Variants in PCDHGB5 observed in about 807,000 individuals in gnomAD.
PCDHGB5 encodes protocadherin gamma-B5.
A neutral mutation model predicts 62.9 loss-of-function variants in PCDHGB5; 48 were observed. The observed-to-expected ratio is 0.76, with a 90% confidence interval of 0.61 to 0.97. The LOEUF (loss-of-function observed/expected upper bound fraction) is 0.97. PCDHGB5 is among the 50% of genes least tolerant of loss of function. PCDHGB5 has a pLI of 0.00. For synonymous variants in PCDHGB5, 474 were observed against 511.2 expected (o/e 0.93, Z 0.98); for missense variants, 1,118 against 1,198.6 (o/e 0.93, Z 0.99).
rs2099701571 is a variant in PCDHGB5, at chr5:141,490,550, A to G, written c.2398-4257A>G. On this transcript the variant is annotated intron_variant, in intron 1 of 3. Coordinates refer to ENST00000617380, the MANE Select transcript of PCDHGB5 (RefSeq NM_018925.3). This position sits in a 1 kb window ranked among gnomAD's most constrained non-coding sequence, Gnocchi z 5.4. ...GCTGGTTCACCTTCCCTACACAAACATCTCACCATCAGGCTCAACATTTCA... is the reference window on the plus strand; with the variant it reads ...GCTGGTTCACCTTCCCTACACAAACGTCTCACCATCAGGCTCAACATTTCA... 1 of 1,614,092 alleles carries G rather than the reference A, an allele frequency of 6.2e-7. No individual in the cohort carries two copies.
rs774113255 is a variant in PCDHGB5 at position 141,405,285 on chromosome 5, C to T, written c.2397+4761C>T. 3.7e-6 allele frequency: 6 copies of T among 1,614,080 alleles called. No individual in the cohort carries two copies. The Admixed American group carries it at 1.0e-4, about 27-fold the overall frequency. On this transcript the variant is annotated intron_variant, in intron 1 of 3. Coordinates refer to ENST00000617380, the MANE Select transcript of PCDHGB5 (RefSeq NM_018925.3). ...TTCCCCCAGCCCAACTATGCAGACACACTCATCAGCCAGCAGAGCTGTGAG... is the reference window on the plus strand; with the variant it reads ...TTCCCCCAGCCCAACTATGCAGACATACTCATCAGCCAGCAGAGCTGTGAG...
Position 141,490,536 on chromosome 5 carries a change from T to C in PCDHGB5, c.2398-4271T>C. ...TGCTGGCCAGCGATGCTGGTTCACCTTCCCTACACAAACATCTCACCATCA... is the reference window on the plus strand; with the variant it reads ...TGCTGGCCAGCGATGCTGGTTCACCCTCCCTACACAAACATCTCACCATCA... On this transcript the variant is annotated intron_variant, in intron 1 of 3. Transcript: ENST00000617380. The surrounding 1 kb of genome is among the most constrained non-coding windows in gnomAD (Gnocchi z 5.4). The C allele has an allele frequency of 1.9e-6, 3 of 1,614,150 alleles. No individual in the cohort carries two copies. The highest frequency in any genetic ancestry group is 2.5e-6 in the Non-Finnish European group (3 of 1,180,010).
rs759278103 is a variant in PCDHGB5, at chr5:141,399,976, C to A, written c.1849C>A (p.Leu617Met). 1.2e-6 allele frequency: 2 copies of A among 1,612,122 alleles called. No homozygotes were observed. The highest frequency in any genetic ancestry group is 2.7e-5 in the African/African-American group (2 of 74,902). ...CGAGCCCGGGCTCTTCAGCCTGGGG[C>A]TGCGCACAGGAGAGGTGCGCACAGC... The part of the protein sequence containing the change: ...ASEPGLFSLG[L>M]RTGEVRTARA... The change falls in exon 1 of 4, where the codon CTG becomes ATG. Residue 617 changes from leucine (L) to methionine (M), a missense_variant. By Grantham distance (15) the Leu-to-Met change is conservative (BLOSUM62 2). Transcript: ENST00000617380.
chr5:141,456,701 G>A lies in PCDHGB5; in HGVS notation c.2398-38106G>A, dbSNP rs370086323. ...CATTACTGGCCAGGCGTGGTGGCTC[G>A]CGCCTGTAATCCCAGCACTTTGGGA... On this transcript the variant is annotated intron_variant, in intron 1 of 3. Transcript: ENST00000617380. 2.3e-4 allele frequency among the ~76,000 whole-genome samples: 35 copies of A among 152,106 alleles called. No homozygotes were observed. The South Asian group carries it at 4.8e-3, about 21-fold the overall frequency.
chr5:141,465,627 A>C lies in PCDHGB5; in HGVS notation c.2398-29180A>C, dbSNP rs370355596. 1.1e-4 allele frequency among the ~76,000 whole-genome samples: 17 copies of C among 152,326 alleles called. 1 individual carries two copies. The South Asian group carries it at 3.3e-3, about 30-fold the overall frequency. On this transcript the variant is annotated intron_variant, in intron 1 of 3. Coordinates refer to ENST00000617380, the MANE Select transcript of PCDHGB5 (RefSeq NM_018925.3). ...TCTTTGGCCCTCCAGGAAGTCAACCAGCAAAATGCTTTGAACATCCCAAAA... is the reference window on the plus strand; with the variant it reads ...TCTTTGGCCCTCCAGGAAGTCAACCCGCAAAATGCTTTGAACATCCCAAAA...
intron 1 of PCDHGB5, chr5:141,417,038 T>TAAA (rs567249795): frequency 5.5e-5 from 8 of 145,968 alleles, no homozygotes; most frequent in East Asian, 2.0e-4. Context: ...GTTTTTTTTT[T>TAAA]AAAAAAAACT....
chr5:141,408,021 A>C (rs2095027284), intron 1 of PCDHGB5: 1 of 1,036,444 alleles, frequency 9.6e-7, no homozygotes, highest in Non-Finnish European at 1.3e-6. Context: ...AGCCAACAAC[A>C]GAAAGAAGAA....
intron 1 of PCDHGB5, among the ~76,000 whole-genome samples, chr5:141,407,257 T>C (rs1325198387): frequency 1.3e-5 from 2 of 152,240 alleles, no homozygotes; most frequent in Non-Finnish European, 2.9e-5. Context: ...CTCATATTTT[T>C]AACCATGCAA....
In PCDHGB5 at chr5:141,399,360, C is replaced by T; in HGVS notation, c.1233C>T (p.Thr411=). The T allele has an allele frequency of 6.2e-7, 1 of 1,613,978 alleles. No homozygotes were observed. Among genetic ancestry groups the T allele is most frequent in the Non-Finnish European group, 8.5e-7 (1 of 1,179,904 alleles). The stretch of plus-strand genomic sequence containing the variant: ...ATGGAACCCTAGACCGAGAGCAAAC[C>T]CCGGAGTACAATGTCACCATCACAG... ...VTDGTLDREQ[T]PEYNVTITAT... is the part of the protein sequence containing the mutation. The change falls in exon 1 of 4, where the codon ACC becomes ACT. Residue 411 remains threonine, a synonymous_variant. Transcript: ENST00000617380.
At chr5:141,436,668 C>CA (rs1159051861) in intron 1 of PCDHGB5, among the ~76,000 whole-genome samples, 1 of 151,748 alleles carries the variant, frequency 6.6e-6, no homozygotes, top group South Asian at 2.1e-4. Flanking sequence ...AGTGGTTGAC[C>CA]AAAAAAAGGA....
chr5:141,423,750 T>TGGG lies in PCDHGB5; in HGVS notation c.2397+23234_2397+23236dup, dbSNP rs144521096. 4.7e-3 allele frequency: 1,348 copies of TGGG among 288,070 alleles called. 1 individual carries two copies. The highest frequency in any genetic ancestry group is 5.4e-3 in the Non-Finnish European group (1,192 of 221,408). 17.8% of individuals were successfully genotyped at this position (288,070 alleles called of 1,614,324 possible). A position where few individuals can be genotyped will look rare whatever the true frequency, so the allele number is the denominator to read the frequency against. ...TTTTGAGCCTGTTATGAAAACTGTT[T>TGGG]GGGGGGGGGGTGGGGCGGCATATAT... is the stretch of plus-strand genomic sequence containing the variant. On this transcript the variant is annotated intron_variant, in intron 1 of 3. Coordinates refer to ENST00000617380, the MANE Select transcript of PCDHGB5 (RefSeq NM_018925.3).
At chr5:141,437,668 G>A (rs72790049) in intron 1 of PCDHGB5, among the ~76,000 whole-genome samples, 16,651 of 151,822 alleles carry the variant, frequency 0.11, 1,007 homozygotes, top group African/African-American at 0.17. Context: ...TCGAAGAGAT[G>A]TTGATCAAAC....
At chr5:141,438,595 T>C (rs11949887) in intron 1 of PCDHGB5, among the ~76,000 whole-genome samples, 1,254 of 57,838 alleles carry the variant, frequency 0.022, 9 homozygotes, top group Non-Finnish European at 0.023. Flanking sequence ...TACATACATA[T>C]ATATATATAT....
At chr5:141,409,217 G>A (rs1394491727) in intron 1 of PCDHGB5, 1 of 1,613,852 alleles carries the variant, frequency 6.2e-7, no homozygotes, top group Non-Finnish European at 8.5e-7. Context: ...AGAAATCCTT[G>A]ATGAAAACGA....
chr5:141,409,928 G>T, intron 1 of PCDHGB5: 4 of 1,613,354 alleles, frequency 2.5e-6, no homozygotes, highest in Non-Finnish European at 2.5e-6. Flanking sequence ...CGCGTTCTTC[G>T]ATATGGTACC....
chr5:141,463,466 T>G (rs1400160593), intron 1 of PCDHGB5, among the ~76,000 whole-genome samples: 2 of 142,982 alleles, frequency 1.4e-5, no homozygotes, highest in African/African-American at 5.2e-5. Context: ...TTTTTTTTTT[T>G]GAGATGGAGT....
At position 141,399,097 on chromosome 5, in the gene PCDHGB5, G is replaced by GT. The variant is rs1217179640; in HGVS notation, c.972dup (p.Ala325CysfsTer6). 1.2e-6 allele frequency: 2 copies of GT among 1,613,816 alleles called. No individual in the cohort carries two copies. The highest frequency in any genetic ancestry group is 3.3e-5 in the Admixed American group (2 of 60,022). On this transcript the variant is annotated frameshift_variant, in exon 1 of 4. Coordinates refer to ENST00000617380, the MANE Select transcript of PCDHGB5 (RefSeq NM_018925.3). LOFTEE classifies it high-confidence loss of function. ...AGAAGGGAGGGATGGTGGTGGACTG[G>GT]TTGCACAATGTACAGTTGAAATTAA...
At chr5:141,412,264 CT>C (rs765219351) in intron 1 of PCDHGB5, 4 of 152,206 alleles carry the variant, frequency 2.6e-5, no homozygotes, top group Non-Finnish European at 4.4e-5. Context: ...TTTTCTAAAA[CT>C]TTTAGTACTT....
Position 141,399,002 on chromosome 5 carries a change from C to G in PCDHGB5, c.875C>G (p.Ser292Ter). The G allele has an allele frequency of 3.7e-6, 6 of 1,613,830 alleles. No homozygotes were observed. Among genetic ancestry groups the G allele is most frequent in the Non-Finnish European group, 4.2e-6 (5 of 1,179,876 alleles). Residue 292 changes from serine to a stop codon, truncating the protein, a stop_gained, in exon 1 of 4, where the codon TCA (serine) becomes TGA (stop). Coordinates refer to ENST00000617380, the MANE Select transcript of PCDHGB5 (RefSeq NM_018925.3). LOFTEE classifies it high-confidence loss of function. Reference protein sequence around the residue: ...YRTGQIFSLNSKSGEITTQKK... With the variant: ...YRTGQIFSLN ...ACCGGGCAAATCTTTAGTCTGAATTCAAAGAGCGGAGAAATTACCACTCAA... is the reference window on the plus strand; with the variant it reads ...ACCGGGCAAATCTTTAGTCTGAATTGAAAGAGCGGAGAAATTACCACTCAA...
Sources: allele counts gnomAD v4.1 joint callset (sites outside exome capture counted in the v4.1 genomes callset), GRCh38; gene constraint gnomAD v4.1.1; non-coding constraint Gnocchi (gnomAD v3.1); transcripts MANE v1.5; gene names NCBI Gene and HGNC (gene_info 2026-07-23, HGNC 2026-07-21).